The following KIAA0319L variants were observed in gnomAD, a reference collection of about 807,000 sequenced individuals.
KIAA0319L encodes dyslexia-associated protein KIAA0319-like protein.
A neutral mutation model predicts 120.1 loss-of-function variants in KIAA0319L; 55 were observed. The ratio of observed to expected loss-of-function variants is 0.46; its 90% confidence interval spans 0.37 to 0.57. The LOEUF is 0.57. KIAA0319L is among the 20% of genes least tolerant of loss of function. The pLI is 0.00. For missense variants in KIAA0319L, 1,049 were observed against 1,255.3 expected (o/e 0.84, Z 2.48); for synonymous variants, 398 against 471.9 (o/e 0.84, Z 2.03).
chr1:35,490,932 T>C (rs1644568880), intron 3 of KIAA0319L, among the ~76,000 whole-genome samples: 1 of 152,350 alleles, frequency 6.6e-6, no homozygotes, highest in South Asian at 2.1e-4. Flanking sequence ...ATGTGAAGAT[T>C]GTGCTGCTTC....
chr1:35,543,612 C>T (rs1275199907), intron 2 of KIAA0319L, among the ~76,000 whole-genome samples: 4 of 152,224 alleles, frequency 2.6e-5, no homozygotes, highest in Non-Finnish European at 5.9e-5. Flanking sequence ...ACAGAGGCTA[C>T]AGCCCTCAAA....
At chr1:35,489,812 G>A (rs145833306) in intron 3 of KIAA0319L, among the ~76,000 whole-genome samples, 1,638 of 151,296 alleles carry the variant, frequency 0.011, 38 homozygotes, top group African/African-American at 0.038. Context: ...GATTACAGGC[G>A]CCTGCCACTG....
chr1:35,469,297 C>T (rs1041571340), intron 6 of KIAA0319L, among the ~76,000 whole-genome samples: 1 of 152,158 alleles, frequency 6.6e-6, no homozygotes, highest in Non-Finnish European at 1.5e-5. Context: ...TACCATTTTA[C>T]ACCTAAATTT....
intron 2 of KIAA0319L, among the ~76,000 whole-genome samples, chr1:35,521,879 A>C (rs1226029733): frequency 7.0e-6 from 1 of 143,390 alleles, no homozygotes; most frequent in Non-Finnish European, 1.5e-5. Flanking sequence ...ACGCTGAGGC[A>C]AGAGAATGGC....
intron 9 of KIAA0319L, among the ~76,000 whole-genome samples, chr1:35,458,100 T>TA (rs1348030819): frequency 2.6e-5 from 4 of 152,158 alleles, no homozygotes; most frequent in Non-Finnish European, 4.4e-5. Context: ...CATGCTCAGC[T>TA]AATTTTTTTG....
chr1:35,528,071 C>T (rs1646222500), intron 2 of KIAA0319L, among the ~76,000 whole-genome samples: 1 of 152,048 alleles, frequency 6.6e-6, no homozygotes, highest in Middle Eastern at 3.4e-3. Context: ...TATGTTTTTT[C>T]CATTTAAATT....
intron 3 of KIAA0319L, among the ~76,000 whole-genome samples, chr1:35,503,444 A>G (rs1395750543): frequency 6.6e-6 from 1 of 152,194 alleles, no homozygotes; most frequent in African/African-American, 2.4e-5. Flanking sequence ...CATACTCCAG[A>G]CCTACCGAGT....
chr1:35,493,913 T>C (rs898926550), intron 3 of KIAA0319L, among the ~76,000 whole-genome samples: 1 of 151,424 alleles, frequency 6.6e-6, no homozygotes, highest in Non-Finnish European at 1.5e-5. Flanking sequence ...CTGAGAAAAA[T>C]TATAGATTAT....
At chr1:35,488,969 C>G (rs1465785757) in intron 3 of KIAA0319L, among the ~76,000 whole-genome samples, 1 of 152,060 alleles carries the variant, frequency 6.6e-6, no homozygotes, top group East Asian at 1.9e-4. Flanking sequence ...GAGAGACAAA[C>G]GAATGGTAGC....
In KIAA0319L at chr1:35,449,947, C is replaced by A. The variant is rs768123207; in HGVS notation, c.2273G>T (p.Gly758Val). ...CACTTTCAGGTGAAAAGTGTAGGTTCCCTCAACCAGGTTTGAAAGAAAAAG... is the reference window on the plus strand; with the variant it reads ...CACTTTCAGGTGAAAAGTGTAGGTTACCTCAACCAGGTTTGAAAGAAAAAG... ...PILFLSNLVE[G>V]TYTFHLKVTD... Residue 758 changes from glycine (G) to valine (V), a missense_variant, in exon 15 of 21, where the codon GGA becomes GTA. Transcript: ENST00000325722. 1.9e-6 allele frequency: 3 copies of A among 1,614,118 alleles called. No individual in the cohort carries two copies. In the Admixed American group the frequency reaches 5.0e-5, roughly 27 times the overall value.
intron 2 of KIAA0319L, among the ~76,000 whole-genome samples, chr1:35,538,125 T>TA (rs1200117099): frequency 6.6e-6 from 1 of 152,216 alleles, no homozygotes; most frequent in African/African-American, 2.4e-5. Flanking sequence ...TTTATGTTTC[T>TA]ACATCTCTCT....
At chr1:35,443,096 C>A in intron 17 of KIAA0319L, 68 bp from the exon 18 acceptor site, 1 of 1,592,446 alleles carries the variant, frequency 6.3e-7, no homozygotes, top group South Asian at 1.1e-5. Context: ...GCACCTAGAG[C>A]CCATGAGGGC....
At chr1:35,550,164 A>C (rs1050000135) in intron 2 of KIAA0319L, among the ~76,000 whole-genome samples, 2 of 152,272 alleles carry the variant, frequency 1.3e-5, no homozygotes, top group African/African-American at 2.4e-5. Context: ...TACTGAACCC[A>C]AAAGTGGAAA....
chr1:35,474,164 C>G (rs1439296863), intron 5 of KIAA0319L, among the ~76,000 whole-genome samples: 1 of 152,012 alleles, frequency 6.6e-6, no homozygotes, highest in Non-Finnish European at 1.5e-5. Flanking sequence ...AGGATATAAC[C>G]CGGGTATGCA....
intron 5 of KIAA0319L, among the ~76,000 whole-genome samples, chr1:35,473,416 C>T (rs1289672561): frequency 6.6e-6 from 1 of 152,092 alleles, no homozygotes; most frequent in Non-Finnish European, 1.5e-5. Context: ...TATTTCTAAA[C>T]TAACATGTTT....
intron 2 of KIAA0319L, among the ~76,000 whole-genome samples, chr1:35,542,217 T>C (rs1273879853): frequency 6.6e-6 from 1 of 152,238 alleles, no homozygotes; most frequent in East Asian, 1.9e-4. Context: ...GCTAAGCCCT[T>C]TGCATGAATA....
intron 4 of KIAA0319L, among the ~76,000 whole-genome samples, chr1:35,477,086 A>T (rs1230926668): frequency 2.0e-5 from 3 of 152,214 alleles, no homozygotes; most frequent in African/African-American, 7.2e-5. Flanking sequence ...GACAAACGGG[A>T]TAACATCAAA....
In KIAA0319L at chr1:35,507,103, T is replaced by C; in HGVS notation, c.175A>G (p.Thr59Ala). ...GATCTCAGGCCAACTCCAAATTGTG[T>C]CTTCCCCTGCTGGCACCTGCTCTCA... is the stretch of plus-strand genomic sequence containing the variant. Reference protein sequence around the residue: ...ASESRCQQGKTQFGVGLRSGG... With the variant: ...ASESRCQQGKAQFGVGLRSGG... The change falls in exon 3 of 21, where the codon ACA (threonine) becomes GCA (alanine). Residue 59 changes from threonine to alanine, a missense_variant. Physicochemically the swap from Thr to Ala is moderately conservative, Grantham distance 58. Coordinates refer to ENST00000325722, the MANE Select transcript of KIAA0319L (RefSeq NM_024874.5). 1.3e-6 allele frequency: 2 copies of C among 1,537,686 alleles called. No individual in the cohort carries two copies. Among genetic ancestry groups the C allele is most frequent in the Non-Finnish European group, 1.7e-6 (2 of 1,144,810 alleles).
chr1:35,496,946 C>CAAAAAAAAAA (rs1558484218), intron 3 of KIAA0319L, among the ~76,000 whole-genome samples: 2 of 64,372 alleles, frequency 3.1e-5, no homozygotes, highest in Admixed American at 2.4e-4. Context: ...GATTGTGTCT[C>CAAAAAAAAAA]CAAAAAAAAA....
Sources: allele counts gnomAD v4.1 joint callset (sites outside exome capture counted in the v4.1 genomes callset), GRCh38; gene constraint gnomAD v4.1.1; transcripts MANE v1.5; gene names NCBI Gene and HGNC (gene_info 2026-07-23, HGNC 2026-07-21).